Variants in FLNB observed in about 807,000 individuals in gnomAD.
The protein encoded by FLNB is filamin-B.
In FLNB, 111 loss-of-function variants were observed where a neutral mutation model predicts 250.6. The ratio of observed to expected loss-of-function variants is 0.44; its 90% CI spans 0.38 to 0.52. FLNB has a LOEUF of 0.52. Among genes scored for constraint, FLNB ranks in the 20% least tolerant of loss-of-function variants. The probability of loss-of-function intolerance (pLI) is 0.00; values close to 1 mark genes in which losing one functional copy is unlikely to be tolerated. For synonymous variants in FLNB, 1,302 were observed against 1,372.1 expected (o/e 0.95, Z 1.13); for missense variants, 2,869 against 3,447.8 (o/e 0.83, Z 4.20).
intron 4 of FLNB, among the ~76,000 whole-genome samples, chr3:58,083,218 A>G (rs1027142202): frequency 6.9e-6 from 1 of 144,910 alleles, no homozygotes; most frequent in Non-Finnish European, 1.5e-5. Flanking sequence ...GACTCTTTTC[A>G]TGCTAAATAA....
At chr3:58,073,889 A>G (rs1029362747) in intron 1 of FLNB, among the ~76,000 whole-genome samples, 2 of 152,332 alleles carry the variant, frequency 1.3e-5, no homozygotes, top group South Asian at 2.1e-4. Context: ...GGCTACGCTC[A>G]TATCTCTGCC....
chr3:58,090,114 G>A (rs1351302128), intron 4 of FLNB, among the ~76,000 whole-genome samples: 4 of 150,582 alleles, frequency 2.7e-5, no homozygotes, highest in Non-Finnish European at 4.4e-5. Flanking sequence ...GCTTTTTTCT[G>A]TGTTTAAAAC....
chr3:58,132,463 G>C (rs767218928), intron 25 of FLNB: 4 of 425,818 alleles, frequency 9.4e-6, no homozygotes, highest in Admixed American at 3.5e-5. Context: ...CATCCTAAGC[G>C]TGCCTAACCA....
rs553769894 is a variant in FLNB at position 58,092,082 on chromosome 3, G to C, written c.788-2754G>C. On this transcript the variant is annotated intron_variant, in intron 4 of 45. Coordinates refer to ENST00000295956, the MANE Select transcript of FLNB (RefSeq NM_001457.4). ...TAACCAAACAACCCAATAAGAAAAT[G>C]GGCAAAAGACATAAACAGTTTCTGC... is the stretch of plus-strand genomic sequence containing the variant. 2.0e-5 allele frequency among the ~76,000 whole-genome samples: 3 copies of C among 152,096 alleles called. No homozygotes were observed. The South Asian group carries it at 6.2e-4, about 32-fold the overall frequency.
intron 2 of FLNB, 48 bp from the exon 3 acceptor site, chr3:58,078,669 C>T (rs1368867598): frequency 5.1e-6 from 8 of 1,567,080 alleles, no homozygotes; most frequent in Non-Finnish European, 6.1e-6. Context: ...TTCCTTTAAT[C>T]TCTTTGGTCA....
chr3:58,122,569 G>A (rs1559709349), intron 20 of FLNB, among the ~76,000 whole-genome samples: 1 of 152,094 alleles, frequency 6.6e-6, no homozygotes, highest in Non-Finnish European at 1.5e-5. Flanking sequence ...AAGATTTCCA[G>A]TGGTCTCAAT....
At chr3:58,094,795 C>T (rs753798350) in intron 4 of FLNB, 41 bp from the exon 5 acceptor site, 4 of 1,545,858 alleles carry the variant, frequency 2.6e-6, no homozygotes, top group African/African-American at 1.4e-5. Context: ...CATGACACAC[C>T]CTCGCCTGGC....
chr3:58,061,262 C>G (rs888633739), intron 1 of FLNB, among the ~76,000 whole-genome samples: 8 of 152,284 alleles, frequency 5.3e-5, no homozygotes, highest in Non-Finnish European at 8.8e-5. Context: ...GTACCCTGTA[C>G]TCAAATTTGA....
At chr3:58,053,319 G>A (rs2097165434) in intron 1 of FLNB, among the ~76,000 whole-genome samples, 1 of 152,194 alleles carries the variant, frequency 6.6e-6, no homozygotes, top group Non-Finnish European at 1.5e-5. Flanking sequence ...GAATAGCTGG[G>A]ACTGCAGGCA....
chr3:58,147,124 G>A, intron 34 of FLNB, 131 bp downstream of exon 34: 1 of 864,974 alleles, frequency 1.2e-6, no homozygotes, highest in Non-Finnish European at 1.8e-6. Context: ...GACTTGTTGA[G>A]GAGGAGCAGG....
At position 58,171,174 on chromosome 3, in the gene FLNB, T is replaced by C. The variant is rs575645347; in HGVS notation, c.*412T>C. On this transcript the variant is annotated 3_prime_UTR_variant, in exon 46 of 46. Transcript: ENST00000295956. The surrounding 1 kb of genome is among the most constrained non-coding windows in gnomAD (Gnocchi z 5.5). ...GGGCAGAGAAAAAGGGGACACCTAGTTTGGTTGTCATTTGGCAAAGGAGAT... is the reference window on the plus strand; with the variant it reads ...GGGCAGAGAAAAAGGGGACACCTAGCTTGGTTGTCATTTGGCAAAGGAGAT... The C allele has an allele frequency of 4.3e-6, 1 of 230,590 alleles. No individual in the cohort carries two copies. Among genetic ancestry groups the C allele is most frequent in the South Asian group, 6.5e-5 (1 of 15,358 alleles). The allele number at this position is 230,590 out of a possible 1,614,324, so 14.3% of individuals were successfully genotyped here.
At chr3:58,088,671 C>G (rs1377131333) in intron 4 of FLNB, among the ~76,000 whole-genome samples, 2 of 152,154 alleles carry the variant, frequency 1.3e-5, no homozygotes, top group East Asian at 3.8e-4. Flanking sequence ...CAAAAGCTCC[C>G]CTGTCCAGCC....
At chr3:58,089,546 CAAA>C (rs75200893) in intron 4 of FLNB, among the ~76,000 whole-genome samples, 6 of 59,626 alleles carry the variant, frequency 1.0e-4, no homozygotes, top group Non-Finnish European at 1.0e-4. Context: ...GACTCCATCT[CAAA>C]AAAAAAAAAA....
chr3:58,170,464 A>T, intron 45 of FLNB, 111 bp from the exon 46 acceptor site: 1 of 1,032,604 alleles, frequency 9.7e-7, no homozygotes, highest in Non-Finnish European at 1.5e-6. Context: ...CCCACCTCTT[A>T]GGGGCCCCAG....
rs1174805764 is a variant in FLNB at position 58,024,701 on chromosome 3, C to CTTTTTTT, written c.292+15866_292+15872dup. Among the ~76,000 whole-genome samples, 374 of 83,676 alleles carry CTTTTTTT rather than the reference C, an allele frequency of 4.5e-3. 28 individuals are homozygous for CTTTTTTT. Among genetic ancestry groups the CTTTTTTT allele is most frequent in the African/African-American group, 0.016 (352 of 22,374 alleles). The allele number at this position is 83,676 out of a possible 152,430, so 54.9% of individuals were successfully genotyped here. On this transcript the variant is annotated intron_variant, in intron 1 of 45. Transcript: ENST00000295956. ...ATTTCTGGTCTTCTGGCCAAGCCTCCTTTTTTTTTTTTTTTTTTTTTTTTT... is the reference window on the plus strand; with the variant it reads ...ATTTCTGGTCTTCTGGCCAAGCCTCCTTTTTTTTTTTTTTTTTTTTTTTTTTTTTTTT...
intron 1 of FLNB, among the ~76,000 whole-genome samples, chr3:58,022,121 C>T (rs2097115047): frequency 6.6e-6 from 1 of 152,194 alleles, no homozygotes; most frequent in South Asian, 2.1e-4. Flanking sequence ...GGCCTTCTTA[C>T]TCTCCCACGG....
At chr3:58,089,435 A>T (rs7616482) in intron 4 of FLNB, among the ~76,000 whole-genome samples, 65,808 of 150,894 alleles carry the variant, frequency 0.44, 15,929 homozygotes, top group East Asian at 0.92. Context: ...AATCCCAGCT[A>T]CTCGGGAGGC....
chr3:58,088,366 A>G (rs2107006189), intron 4 of FLNB, among the ~76,000 whole-genome samples: 1 of 152,272 alleles, frequency 6.6e-6, no homozygotes, highest in East Asian at 1.9e-4. Context: ...AATTCTTCAT[A>G]ATAAAAAGCT....
In FLNB at chr3:58,097,855, C is replaced by A; in HGVS notation, c.1025C>A (p.Pro342Gln). Residue 342 changes from proline to glutamine, a missense_variant, in exon 7 of 46, where the codon CCA becomes CAA. This residue lies in a region of FLNB where 308 missense variants were observed against 466.1 expected (regional missense o/e 0.66). Transcript: ENST00000295956. ...LFAGQHISKSPFEVSVDKAQG... is the reference protein window; with the variant it reads ...LFAGQHISKSQFEVSVDKAQG... Reference sequence around the variant, plus strand: ...GCAGGACAGCACATCTCCAAGAGCCCATTTGAAGTGAGTGTTGACAAGGCC... The same window carrying A: ...GCAGGACAGCACATCTCCAAGAGCCAATTTGAAGTGAGTGTTGACAAGGCC... 1 of 1,614,100 alleles carries A rather than the reference C, an allele frequency of 6.2e-7. No homozygotes were observed. The highest frequency in any genetic ancestry group is 1.1e-5 in the South Asian group (1 of 91,066).
Sources: gnomAD v4.1 joint callset for allele counts (sites outside exome capture counted in the v4.1 genomes callset) on GRCh38, gnomAD v4.1.1 for gene constraint, gnomAD v4.1.1 regional missense constraint, Gnocchi (gnomAD v3.1) non-coding constraint, MANE v1.5 for transcripts, NCBI Gene and HGNC (gene_info 2026-07-23, HGNC 2026-07-21) for gene names.